CLCN2: variants seen among roughly 807,000 people sequenced by gnomAD.
The protein encoded by CLCN2 is chloride voltage-gated channel 2.
Under a neutral mutation model 108.3 loss-of-function variants are expected in CLCN2, and 72 were observed. That is an observed-to-expected ratio of 0.66 (90% CI 0.55 to 0.81). The LOEUF is 0.81. Among genes scored for constraint, CLCN2 ranks in the 30% least tolerant of loss-of-function variants. The probability of loss-of-function intolerance (pLI) is 0.00; values close to 1 mark genes in which losing one functional copy is unlikely to be tolerated. For missense variants in CLCN2, 1,048 were observed against 1,205.2 expected (o/e 0.87, Z 1.93); for synonymous variants, 471 against 467.1 (o/e 1.01, Z -0.11).
At chr3:184,347,082 G>A in intron 22 of CLCN2, 61 bp from the exon 23 acceptor site, 2 of 1,402,132 alleles carry the variant, frequency 1.4e-6, no homozygotes, top group Non-Finnish European at 2.0e-6. Flanking sequence ...TAAATGACAG[G>A]CCACAGGGGC....
chr3:184,359,892 C>T (rs561637946), intron 1 of CLCN2, among the ~76,000 whole-genome samples: 18 of 151,456 alleles, frequency 1.2e-4, no homozygotes, highest in Admixed American at 8.6e-4. Context: ...GCTAGACCTG[C>T]CAAGCTGGGC....
At position 184,353,108 on chromosome 3, in the gene CLCN2, C is replaced by G. The variant is rs762887805; in HGVS notation, c.2068G>C (p.Glu690Gln). The stretch of plus-strand genomic sequence containing the variant: ...GCAGGCTTTAGGGGCTTGTGGGTCT[C>G]CCCCCGGGCTGCTGGGAAGGCTGAG... ...EDSAFPAARG[E>Q]THKPLKPALK... is the part of the protein sequence containing the mutation. The change falls in exon 18 of 24, where the codon GAG becomes CAG. Residue 690 changes from glutamate to glutamine, a missense_variant. Physicochemically the swap from Glu to Gln is conservative, Grantham distance 29. Transcript: ENST00000265593. 6.2e-7 allele frequency: 1 copy of G among 1,614,108 alleles called. No individual in the cohort carries two copies. Among genetic ancestry groups the G allele is most frequent in the East Asian group, 2.2e-5 (1 of 44,864 alleles).
In CLCN2 at chr3:184,346,967, C is replaced by G; in HGVS notation, c.2470G>C (p.Gly824Arg). 1.9e-6 allele frequency: 3 copies of G among 1,614,090 alleles called. No homozygotes were observed. The highest frequency in any genetic ancestry group is 2.5e-6 in the Non-Finnish European group (3 of 1,179,998). Residue 824 changes from glycine (G) to arginine (R), a missense_variant, in exon 23 of 24, where the codon GGC becomes CGC. Coordinates refer to ENST00000265593, the MANE Select transcript of CLCN2 (RefSeq NM_004366.6). This position sits in a 1 kb window ranked among gnomAD's most constrained non-coding sequence, Gnocchi z 6.0. ...GVDHAYVTSI[G>R]RLIGIVTLKE... The stretch of plus-strand genomic sequence containing the variant: ...AGAGTAACGATTCCAATGAGTCTGC[C>G]AATACTGGTGACATAAGCATGGTCC...
rs369933204 is a variant in CLCN2 at position 184,357,086 on chromosome 3, C to G, written c.992G>C (p.Ser331Thr). 117 of 1,613,554 alleles carry G rather than the reference C, an allele frequency of 7.3e-5. No homozygotes were observed. In the African/African-American group the frequency reaches 1.5e-3, roughly 20 times the overall value. Residue 331 changes from serine to threonine, a missense_variant, in exon 10 of 24, where the codon AGT becomes ACT. Coordinates refer to ENST00000265593, the MANE Select transcript of CLCN2 (RefSeq NM_004366.6). ...LPAFAVIGIA[S>T]GFGGALFVYL... Reference sequence around the variant, plus strand: ...GACAAAGAGGGCTCCACCGAAGCCACTAGCAATACTGGAAAGGGAAGAGGC... The same window carrying G: ...GACAAAGAGGGCTCCACCGAAGCCAGTAGCAATACTGGAAAGGGAAGAGGC...
At chr3:184,351,401 C>T (rs1479439298) in intron 22 of CLCN2, among the ~76,000 whole-genome samples, 1 of 152,204 alleles carries the variant, frequency 6.6e-6, no homozygotes, top group Non-Finnish European at 1.5e-5. Context: ...CCACCCCAGG[C>T]AGTCTGCTCA....
chr3:184,351,928 C>T lies in CLCN2; in HGVS notation c.2415+85G>A. On this transcript the variant is annotated intron_variant, in intron 22 of 23. Coordinates refer to ENST00000265593, the MANE Select transcript of CLCN2 (RefSeq NM_004366.6). ...CTTCTCCTCCCTCCTTCCCCACTGGCCTGAGTCCAAACTTGTAGGGGGACC... is the reference window on the plus strand; with the variant it reads ...CTTCTCCTCCCTCCTTCCCCACTGGTCTGAGTCCAAACTTGTAGGGGGACC... 4.0e-6 allele frequency: 4 copies of T among 987,792 alleles called. No individual in the cohort carries two copies. In the East Asian group the frequency reaches 7.1e-5, roughly 18 times the overall value. The allele number at this position is 987,792 out of a possible 1,614,324, so 61.2% of individuals were successfully genotyped here.
intron 13 of CLCN2, 37 bp from the exon 14 acceptor site, chr3:184,354,695 G>A (rs371626073): frequency 1.4e-6 from 2 of 1,455,218 alleles, no homozygotes; most frequent in Non-Finnish European, 1.9e-6. Flanking sequence ...AGAGGCAGTG[G>A]AGGGGGAGGG....
rs1352768316 is a variant in CLCN2, at chr3:184,354,563, C to A, written c.1492G>T (p.Gly498Cys). 1 of 1,612,940 alleles carries A rather than the reference C, an allele frequency of 6.2e-7. No individual in the cohort carries two copies. The highest frequency in any genetic ancestry group is 2.2e-5 in the East Asian group (1 of 44,864). The change falls in exon 14 of 24, where the codon GGC becomes TGC. Residue 498 changes from glycine (G) to cysteine (C), a missense_variant. By Grantham distance (159) the Gly-to-Cys change is radical. Transcript: ENST00000265593. ...AGGCACTCACCGACCACAGCGTAGC[C>A]CCCAGGCACAATCCGGTAGGTGCTG... Reference protein sequence around the residue: ...DSSTYRIVPGGYAVVGAAALA... With the variant: ...DSSTYRIVPGCYAVVGAAALA...
Position 184,354,116 on chromosome 3 carries a change from C to T in CLCN2, c.1706G>A (p.Gly569Asp). ...IKKLPYLPEL[G>D]WGRHQQYRVR... Reference sequence around the variant, plus strand: ...CCCTCCGTACTGGTGGCGGCCCCAGCCGAGCTCAGGCAGGTAGGGCAGTTT... The same window carrying T: ...CCCTCCGTACTGGTGGCGGCCCCAGTCGAGCTCAGGCAGGTAGGGCAGTTT... The change falls in exon 15 of 24, where the codon GGC (glycine) becomes GAC (aspartate). Residue 569 changes from glycine (G) to aspartate (D), a missense_variant. Coordinates refer to ENST00000265593, the MANE Select transcript of CLCN2 (RefSeq NM_004366.6). The T allele has an allele frequency of 6.2e-7, 1 of 1,612,268 alleles. No homozygotes were observed. The highest frequency in any genetic ancestry group is 8.5e-7 in the Non-Finnish European group (1 of 1,179,800).
At chr3:184,356,663 C>A in intron 10 of CLCN2, 10 of 241,394 alleles carry the variant, frequency 4.1e-5, no homozygotes, top group East Asian at 1.0e-4. Context: ...AAAAAGAGAT[C>A]TCATCTATCC....
Position 184,353,073 on chromosome 3 carries a change from C to T in CLCN2, c.2103G>A (p.Arg701=). ...THKPLKPALK[R]GPSVTRNLGE... The stretch of plus-strand genomic sequence containing the variant: ...CGAGGTTCCTGGTGACACTGGGCCC[C>T]CTCTTGAGTGCAGGCTTTAGGGGCT... The change falls in exon 18 of 24, where the codon AGG becomes AGA. Residue 701 remains arginine, a synonymous_variant. Transcript: ENST00000265593. 6.2e-7 allele frequency: 1 copy of T among 1,614,168 alleles called. No homozygotes were observed. Among genetic ancestry groups the T allele is most frequent in the Non-Finnish European group, 8.5e-7 (1 of 1,180,026 alleles).
chr3:184,352,737 C>T lies in CLCN2; in HGVS notation c.2217G>A (p.Glu739=), dbSNP rs781551435. The change falls in exon 19 of 24, where the codon GAG becomes GAA. Residue 739 remains glutamate (E), a splice_region_variant and synonymous_variant. Transcript: ENST00000265593. ...AGGAGGACAGGCTCCAGCCACTCAC[C>T]TCCGAAGCAGCCTCAGGGGGTGGAC... ...CGSPPPEAAS[E]KLESCEKRKL... 6.2e-7 allele frequency: 1 copy of T among 1,613,096 alleles called. No individual in the cohort carries two copies. The highest frequency in any genetic ancestry group is 1.1e-5 in the South Asian group (1 of 91,072).
rs2108552050 is a variant in CLCN2 at position 184,346,415 on chromosome 3, T to C, written c.*191A>G. The stretch of plus-strand genomic sequence containing the variant: ...TATCTTCCTGCCTCTGGAAGACTTG[T>C]TGCAGGTGGGTAGTGGGTCAGATTC... On this transcript the variant is annotated 3_prime_UTR_variant, in exon 24 of 24. Transcript: ENST00000265593. The surrounding 1 kb of genome is among the most constrained non-coding windows in gnomAD (Gnocchi z 6.0). 1.5e-6 allele frequency: 1 copy of C among 668,716 alleles called. No homozygotes were observed. The highest frequency in any genetic ancestry group is 2.6e-6 in the Non-Finnish European group (1 of 379,292). 41.4% of individuals were successfully genotyped at this position (668,716 alleles called of 1,614,324 possible).
chr3:184,356,850 G>C, intron 10 of CLCN2, 143 bp downstream of exon 10: 1 of 687,780 alleles, frequency 1.5e-6, no homozygotes, highest in Non-Finnish European at 2.6e-6. Context: ...AAAATGCTCA[G>C]TCAGCCTGGA....
Position 184,355,926 on chromosome 3 carries a change from T to C in CLCN2, c.1086-148A>G. Reference sequence around the variant, plus strand: ...GTCTCCTTTGCTGTTTATGATACGATAGCCCCAAGGCTGATGGTGGACTGG... The same window carrying C: ...GTCTCCTTTGCTGTTTATGATACGACAGCCCCAAGGCTGATGGTGGACTGG... On this transcript the variant is annotated intron_variant, in intron 10 of 23. Transcript: ENST00000265593. This position sits in a 1 kb window ranked among gnomAD's most constrained non-coding sequence, Gnocchi z 6.3. The C allele has an allele frequency of 2.8e-6, 2 of 719,786 alleles. No individual in the cohort carries two copies. The highest frequency in any genetic ancestry group is 2.5e-6 in the Non-Finnish European group (1 of 400,410). The allele number at this position is 719,786 out of a possible 1,614,324, so 44.6% of individuals were successfully genotyped here. A position where few individuals can be genotyped will look rare whatever the true frequency, so the allele number is the denominator to read the frequency against.
In CLCN2 at chr3:184,346,932, C is replaced by T. The variant is rs1727718336; in HGVS notation, c.2502+3G>A. On this transcript the variant is annotated splice_donor_region_variant and intron_variant, in intron 23 of 23. Coordinates refer to ENST00000265593, the MANE Select transcript of CLCN2 (RefSeq NM_004366.6). This position sits in a 1 kb window ranked among gnomAD's most constrained non-coding sequence, Gnocchi z 6.0. ...GCAGCTTTGGAGGCCACCATCACCT[C>T]ACCTCCTTTAGAGTAACGATTCCAA... 1.9e-6 allele frequency: 3 copies of T among 1,613,644 alleles called. No individual in the cohort carries two copies. The highest frequency in any genetic ancestry group is 1.7e-5 in the Admixed American group (1 of 60,036).
rs1159854783 is a variant in CLCN2, at chr3:184,358,707, G to A, written c.327C>T (p.Asp109=). 11 of 1,585,064 alleles carry A rather than the reference G, an allele frequency of 6.9e-6. No individual in the cohort carries two copies. The highest frequency in any genetic ancestry group is 9.4e-6 in the Non-Finnish European group (11 of 1,164,414). Residue 109 remains aspartate (D), a synonymous_variant, in exon 3 of 24, where the codon GAC becomes GAT. Transcript: ENST00000265593. ...LLMALVSWVM[D]YAIAACLQAQ... ...CTTGCAGACAGGCAGCAATGGCATA[G>A]TCCATGACCCAGCTGACCAATGCCA...
chr3:184,353,142 G>A lies in CLCN2; in HGVS notation c.2034C>T (p.Asn678=), dbSNP rs3792300. 4 of 1,614,160 alleles carry A rather than the reference G, an allele frequency of 2.5e-6. No individual in the cohort carries two copies. In the East Asian group the frequency reaches 8.9e-5, roughly 36 times the overall value. Residue 678 remains asparagine, a synonymous_variant, in exon 18 of 24, where the codon AAC becomes AAT. Transcript: ENST00000265593. ...TPEASVCFQV[N]TEDSAFPAAR... The stretch of plus-strand genomic sequence containing the variant: ...CTGCTGGGAAGGCTGAGTCTTCTGT[G>A]TTCACCTGCATAGGCAGGAAGGGGC...
Position 184,359,062 on chromosome 3 carries a change from C to G in CLCN2, c.133G>C (p.Gly45Arg), listed in dbSNP as rs1711646326. Reference sequence around the variant, plus strand: ...GGGGGACCTTTCCAGGGTTCAGGCCCTCCCAGGCGAATCCGAGCAGCTTCC... The same window carrying G: ...GGGGGACCTTTCCAGGGTTCAGGCCGTCCCAGGCGAATCCGAGCAGCTTCC... ...KEEAARIRLG[G>R]PEPWKGPPSS... Residue 45 changes from glycine (G) to arginine (R), a missense_variant, in exon 2 of 24, where the codon GGG becomes CGG. Transcript: ENST00000265593. 6.2e-7 allele frequency: 1 copy of G among 1,613,574 alleles called. No homozygotes were observed. Among genetic ancestry groups the G allele is most frequent in the Non-Finnish European group, 8.5e-7 (1 of 1,180,044 alleles).
Sources: gnomAD v4.1 joint callset for allele counts (sites outside exome capture counted in the v4.1 genomes callset) on GRCh38, gnomAD v4.1.1 for gene constraint, Gnocchi (gnomAD v3.1) non-coding constraint, MANE v1.5 for transcripts, NCBI Gene and HGNC (gene_info 2026-07-23, HGNC 2026-07-21) for gene names.